The following MYO18A variants were observed in gnomAD, a reference collection of about 807,000 sequenced individuals.
MYO18A encodes unconventional myosin-XVIIIa.
Under a neutral mutation model 235.8 loss-of-function variants are expected in MYO18A, and 78 were observed. The observed-to-expected ratio is 0.33, with a 90% CI of 0.28 to 0.40. The LOEUF is 0.40. Ranked by LOEUF, MYO18A falls within the 10% of genes least tolerant of loss-of-function variation. The pLI is 1.00. For missense variants in MYO18A, 2,215 were observed against 2,699.3 expected (o/e 0.82, Z 3.98); for synonymous variants, 977 against 1,077.8 (o/e 0.91, Z 1.83).
At position 29,120,292 on chromosome 17, in the gene MYO18A, A is replaced by T. The variant is rs2067166473; in HGVS notation, c.1728+324T>A. ...TGACAAGCCAGTCCTCTGCTAGGTG[A>T]AATCGGCCCGAGAGAAGCCCCGAGC... On this transcript the variant is annotated intron_variant, in intron 7 of 41. Transcript: ENST00000527372. This position sits in a 1 kb window ranked among gnomAD's most constrained non-coding sequence, Gnocchi z 4.2. 6.6e-6 allele frequency among the ~76,000 whole-genome samples: 1 copy of T among 152,194 alleles called. No individual in the cohort carries two copies. The highest frequency in any genetic ancestry group is 1.5e-5 in the Non-Finnish European group (1 of 68,036).
chr17:29,111,403 C>A lies in MYO18A; in HGVS notation c.2900+21G>T. 6.2e-7 allele frequency: 1 copy of A among 1,608,708 alleles called. No individual in the cohort carries two copies. The highest frequency in any genetic ancestry group is 8.5e-7 in the Non-Finnish European group (1 of 1,177,838). ...AACAGTCCTGGGTACAGAACAGGGG[C>A]GGAGGGAGTGGTGGTCTTACTTCTG... On this transcript the variant is annotated intron_variant, in intron 17 of 41. Coordinates refer to ENST00000527372, the MANE Select transcript of MYO18A (RefSeq NM_078471.4). The surrounding 1 kb of genome is among the most constrained non-coding windows in gnomAD (Gnocchi z 5.1).
At chr17:29,156,341 C>A (rs543386574) in intron 2 of MYO18A, among the ~76,000 whole-genome samples, 1 of 152,220 alleles carries the variant, frequency 6.6e-6, no homozygotes, top group African/African-American at 2.4e-5. Context: ...CCAAGCCTGG[C>A]ACCTTCATGT....
chr17:29,123,009 G>C (rs541883255), intron 2 of MYO18A, among the ~76,000 whole-genome samples: 1 of 152,348 alleles, frequency 6.6e-6, no homozygotes, highest in South Asian at 2.1e-4. Context: ...GGGCAGCCCT[G>C]CCCTGTCAAA....
At chr17:29,105,038 G>A (rs1181723212) in intron 20 of MYO18A, among the ~76,000 whole-genome samples, 1 of 151,888 alleles carries the variant, frequency 6.6e-6, no homozygotes, top group Non-Finnish European at 1.5e-5. Context: ...AAATTAGCTG[G>A]GCATGGGCCT....
rs754148480 is a variant in MYO18A, at chr17:29,097,842, C to T, written c.4048G>A (p.Ala1350Thr). The change falls in exon 26 of 42, where the codon GCC becomes ACC. Residue 1350 changes from alanine to threonine, a missense_variant. Transcript: ENST00000527372. ...MEVMEMEVME[A>T]RLIRAAEING... is the part of the protein sequence containing the mutation. ...ATCTCCGCTGCCCGGATGAGACGGG[C>T]CTCCATCACCTCCATTTCCATAACC... is the stretch of plus-strand genomic sequence containing the variant. 13 of 1,613,884 alleles carry T rather than the reference C, an allele frequency of 8.1e-6. No homozygotes were observed. In the Admixed American group the frequency reaches 8.3e-5, roughly 10 times the overall value.
chr17:29,093,376 C>T lies in MYO18A; in HGVS notation c.4873G>A (p.Val1625Ile). ...TCCAGCTCCCGCTTCTCTCGCAGAA[C>T]CTTCTGCTTGTCCTCATACTCTTCC... ...LEEEYEDKQKVLREKRELEGK... is the reference protein window; with the variant it reads ...LEEEYEDKQKILREKRELEGK... Residue 1625 changes from valine (V) to isoleucine (I), a missense_variant, in exon 32 of 42, where the codon GTT becomes ATT. Transcript: ENST00000527372. 1.9e-6 allele frequency: 3 copies of T among 1,612,716 alleles called. No homozygotes were observed. Among genetic ancestry groups the T allele is most frequent in the Non-Finnish European group, 2.5e-6 (3 of 1,179,836 alleles).
chr17:29,155,686 C>A (rs2068052083), intron 2 of MYO18A, among the ~76,000 whole-genome samples: 1 of 152,188 alleles, frequency 6.6e-6, no homozygotes, highest in Admixed American at 6.5e-5. Flanking sequence ...CTGGGTGGCC[C>A]CAGTAGGCCA....
rs1317857411 is a variant in MYO18A, at chr17:29,099,635, T to G, written c.3635A>C (p.Lys1212Thr). 1 of 1,613,316 alleles carries G rather than the reference T, an allele frequency of 6.2e-7. No homozygotes were observed. The highest frequency in any genetic ancestry group is 1.7e-4 in the Middle Eastern group (1 of 6,006). ...GGAGGGATGTCTCTAGAGCAGCACCTTTCTCTTCTTGAAGTGCTGGCGGGC... is the reference window on the plus strand; with the variant it reads ...GGAGGGATGTCTCTAGAGCAGCACCGTTCTCTTCTTGAAGTGCTGGCGGGC... ...YLARQHFKKR[K>T]IQDLAIRCVQ... The change falls in exon 22 of 42, where the codon AAG becomes ACG. Residue 1212 changes from lysine to threonine, a missense_variant and splice_region_variant. Lys to Thr is a moderately conservative substitution (Grantham distance 78, BLOSUM62 -1). Transcript: ENST00000527372.
rs1302470175 is a variant in MYO18A, at chr17:29,118,991, C to T, written c.1829+344G>A. 1.3e-5 allele frequency among the ~76,000 whole-genome samples: 2 copies of T among 152,156 alleles called. No individual in the cohort carries two copies. Among genetic ancestry groups the T allele is most frequent in the African/African-American group, 2.4e-5 (1 of 41,436 alleles). ...CCAGTCATGCGACAGTAGGCAAGTC[C>T]CCAACCACTGGTACCTCAGTGTGCT... On this transcript the variant is annotated intron_variant, in intron 8 of 41. Coordinates refer to ENST00000527372, the MANE Select transcript of MYO18A (RefSeq NM_078471.4). This position sits in a 1 kb window ranked among gnomAD's most constrained non-coding sequence, Gnocchi z 4.2.
chr17:29,172,471 A>G (rs2068427780), intron 1 of MYO18A, among the ~76,000 whole-genome samples: 1 of 152,090 alleles, frequency 6.6e-6, no homozygotes, highest in African/African-American at 2.4e-5. Context: ...TCTAAAAAAA[A>G]AAAAATTAAA....
chr17:29,147,725 C>A (rs1332698848), intron 2 of MYO18A, among the ~76,000 whole-genome samples: 4 of 151,678 alleles, frequency 2.6e-5, no homozygotes, highest in African/African-American at 4.8e-5. Flanking sequence ...AACACAGAGA[C>A]CCGTCTACAA....
intron 2 of MYO18A, among the ~76,000 whole-genome samples, chr17:29,143,402 G>GTTT (rs532615100): frequency 1.5e-4 from 18 of 121,534 alleles, no homozygotes; most frequent in African/African-American, 2.0e-4. Context: ...CACCATGTAG[G>GTTT]TTTTTTTTTT....
chr17:29,090,674 G>A, intron 35 of MYO18A, 59 bp from the exon 36 acceptor site: 1 of 1,572,752 alleles, frequency 6.4e-7, no homozygotes. Context: ...AACCAGCCCA[G>A]CCCAGCTGGA....
At chr17:29,165,638 TCCTCAG>T (rs2068263651) in intron 2 of MYO18A, 2 of 357,536 alleles carry the variant, frequency 5.6e-6, no homozygotes, top group Non-Finnish European at 1.0e-5. Context: ...TGGGGACTTG[TCCTCAG>T]CTCCCAGACA....
rs1341634944 is a variant in MYO18A at position 29,122,337 on chromosome 17, A to G, written c.1000-84T>C. ...CCGTAGAGGGGAGACAAGTGAGGGC[A>G]TGGGCTTTGAGACAAGCCACTGGGC... On this transcript the variant is annotated intron_variant, in intron 2 of 41. Transcript: ENST00000527372. 3.1e-6 allele frequency: 4 copies of G among 1,293,968 alleles called. No individual in the cohort carries two copies. The Admixed American group carries it at 5.9e-5, about 19-fold the overall frequency. The allele number at this position is 1,293,968 out of a possible 1,614,324, so 80.2% of individuals were successfully genotyped here.
chr17:29,122,320 G>A (rs2152861656), intron 2 of MYO18A, 67 bp from the exon 3 acceptor site: 3 of 1,458,256 alleles, frequency 2.1e-6, no homozygotes. Context: ...AGCCGTAGAG[G>A]GGAGACAAGT....
At chr17:29,167,198 G>A (rs2068304603) in intron 1 of MYO18A, among the ~76,000 whole-genome samples, 177 bp from the exon 2 acceptor site, 1 of 152,212 alleles carries the variant, frequency 6.6e-6, no homozygotes, top group Non-Finnish European at 1.5e-5. Context: ...TCTATAGGTA[G>A]TTACTATTAT....
At chr17:29,093,229 G>A in intron 32 of MYO18A, 94 bp downstream of exon 32, 1 of 1,215,696 alleles carries the variant, frequency 8.2e-7, no homozygotes, top group Non-Finnish European at 1.2e-6. Flanking sequence ...ACCCCCGACA[G>A]CTCTGTTCGT....
Position 29,118,427 on chromosome 17 carries a change from G to A in MYO18A, c.1843C>T (p.Leu615Phe), listed in dbSNP as rs1295803968. 1.2e-6 allele frequency: 2 copies of A among 1,606,300 alleles called. No individual in the cohort carries two copies. The highest frequency in any genetic ancestry group is 1.7e-5 in the Admixed American group (1 of 59,686). ...GDGTLRTELH[L>F]NHLAENNVFG... is the part of the protein sequence containing the mutation. ...ACATTGTTCTCTGCCAAGTGGTTGA[G>A]GTGGAGCTCTGTCCTAGGGGTACAA... The change falls in exon 9 of 42, where the codon CTC (leucine) becomes TTC (phenylalanine). Residue 615 changes from leucine to phenylalanine, a missense_variant. Transcript: ENST00000527372. This position sits in a 1 kb window ranked among gnomAD's most constrained non-coding sequence, Gnocchi z 4.2.
Sources: allele counts gnomAD v4.1 joint callset (sites outside exome capture counted in the v4.1 genomes callset), GRCh38; gene constraint gnomAD v4.1.1; non-coding constraint Gnocchi (gnomAD v3.1); transcripts MANE v1.5; gene names NCBI Gene and HGNC (gene_info 2026-07-23, HGNC 2026-07-21).